Variants in USP53 observed in about 807,000 individuals in gnomAD.
USP53 encodes ubiquitin carboxyl-terminal hydrolase 53.
USP53 carries 71 observed loss-of-function variants against 94.9 expected under a neutral mutation model. The observed-to-expected ratio is 0.75, with a 90% CI of 0.62 to 0.91. The LOEUF is 0.91. USP53 is among the 40% of genes least tolerant of loss of function. The probability of loss-of-function intolerance (pLI) is 0.00; values close to 1 mark genes in which losing one functional copy is unlikely to be tolerated. For synonymous variants in USP53, 375 were observed against 422.7 expected (o/e 0.89, Z 1.39); for missense variants, 1,173 against 1,281.0 (o/e 0.92, Z 1.29).
intron 7 of USP53, among the ~76,000 whole-genome samples, chr4:119,252,939 G>T (rs750103716): frequency 2.0e-5 from 3 of 151,970 alleles, no homozygotes; most frequent in Non-Finnish European, 2.9e-5. Flanking sequence ...TTGTGTCTTT[G>T]TTCTCATTGG....
At position 119,291,367 on chromosome 4, in the gene USP53, A is replaced by T. The variant is rs1449897354; in HGVS notation, c.2348+106A>T. 2.5e-5 allele frequency: 14 copies of T among 564,112 alleles called. 1 individual carries two copies. Among genetic ancestry groups the T allele is most frequent in the Non-Finnish European group, 4.2e-5 (14 of 336,424 alleles). 34.9% of individuals were successfully genotyped at this position (564,112 alleles called of 1,614,324 possible). A position where few individuals can be genotyped will look rare whatever the true frequency, so the allele number is the denominator to read the frequency against. On this transcript the variant is annotated intron_variant, in intron 18 of 18. Coordinates refer to ENST00000692078, the MANE Select transcript of USP53 (RefSeq NM_001371395.1). ...TGAAAGCAATGGGTCTATAGTATTG[A>T]GATGCCTTTCTTATTGGGAATCATT...
intron 3 of USP53, chr4:119,218,760 A>G (rs935378487): frequency 4.6e-5 from 7 of 152,104 alleles, no homozygotes; most frequent in Non-Finnish European, 1.5e-5. Flanking sequence ...TTCTGACACT[A>G]TCTACTTGAA....
At chr4:119,263,804 G>A (rs903006680) in intron 12 of USP53, among the ~76,000 whole-genome samples, 9 of 152,272 alleles carry the variant, frequency 5.9e-5, no homozygotes, top group Non-Finnish European at 1.3e-4. Context: ...GGTCACGGGG[G>A]CTCATGCCTA....
chr4:119,269,323 C>T (rs1357494331), intron 14 of USP53, among the ~76,000 whole-genome samples: 3 of 152,314 alleles, frequency 2.0e-5, no homozygotes, highest in East Asian at 1.9e-4. Flanking sequence ...TCTAATTTCT[C>T]TCTGCCTCAG....
chr4:119,248,177 C>T (rs953390389), intron 6 of USP53, among the ~76,000 whole-genome samples: 1 of 151,666 alleles, frequency 6.6e-6, no homozygotes. Context: ...ACTATAATCT[C>T]ATATTTCCAG....
At chr4:119,281,825 C>T (rs1753542780) in intron 17 of USP53, among the ~76,000 whole-genome samples, 1 of 152,024 alleles carries the variant, frequency 6.6e-6, no homozygotes, top group Admixed American at 6.6e-5. Flanking sequence ...ATATGTATAG[C>T]CAAATTTGCC....
At chr4:119,287,651 G>T (rs1208743465) in intron 17 of USP53, among the ~76,000 whole-genome samples, 1 of 152,126 alleles carries the variant, frequency 6.6e-6, no homozygotes, top group Non-Finnish European at 1.5e-5. Flanking sequence ...AAAAATACGG[G>T]AGAATGCAGA....
intron 3 of USP53, among the ~76,000 whole-genome samples, chr4:119,232,872 G>A (rs1746251418): frequency 6.6e-6 from 1 of 152,124 alleles, no homozygotes. Context: ...TTGGCCTGCA[G>A]TGATCTAACA....
chr4:119,268,608 A>G (rs1010202374), intron 14 of USP53, among the ~76,000 whole-genome samples, 188 bp downstream of exon 14: 5 of 152,296 alleles, frequency 3.3e-5, no homozygotes, highest in Middle Eastern at 3.4e-3. Flanking sequence ...TGATTCCATG[A>G]GTTGTTTGAG....
intron 2 of USP53, among the ~76,000 whole-genome samples, chr4:119,214,574 G>A (rs555484640): frequency 1.3e-5 from 2 of 150,854 alleles, no homozygotes; most frequent in South Asian, 2.1e-4. Flanking sequence ...ATATTTTAAT[G>A]GGAAGGTAGA....
intron 3 of USP53, among the ~76,000 whole-genome samples, chr4:119,224,621 G>A (rs924260646): frequency 2.6e-5 from 4 of 152,206 alleles, no homozygotes; most frequent in Non-Finnish European, 5.9e-5. Context: ...AATGCTAGAA[G>A]GGAAATAATT....
chr4:119,235,787 G>A (rs1746658740), intron 4 of USP53, among the ~76,000 whole-genome samples: 1 of 152,096 alleles, frequency 6.6e-6, no homozygotes, highest in African/African-American at 2.4e-5. Context: ...CTCTTAGGTG[G>A]CTTCTTCATC....
At chr4:119,215,494 C>T (rs1339122244) in intron 2 of USP53, among the ~76,000 whole-genome samples, 1 of 152,168 alleles carries the variant, frequency 6.6e-6, no homozygotes, top group South Asian at 2.1e-4. Flanking sequence ...ATATTCTGTG[C>T]TCTTCCAGGT....
In USP53 at chr4:119,292,872, C is replaced by T. The variant is rs767822509; in HGVS notation, c.2883C>T (p.His961=). Residue 961 remains histidine, a synonymous_variant, in exon 19 of 19, where the codon CAC becomes CAT. Transcript: ENST00000692078. Reference sequence around the variant, plus strand: ...AAGCTACCTCTCATCTTCCGAAGCACAGTTTAAGTACAGCTTCAGAACCAA... The same window carrying T: ...AAGCTACCTCTCATCTTCCGAAGCATAGTTTAAGTACAGCTTCAGAACCAA... ...VFKATSHLPK[H]SLSTASEPSL... is the part of the protein sequence containing the mutation. 2.2e-5 allele frequency: 36 copies of T among 1,613,960 alleles called. No individual in the cohort carries two copies. In the South Asian group the frequency reaches 3.7e-4, roughly 17 times the overall value.
Position 119,215,452 on chromosome 4 carries a change from C to T in USP53, c.-789+1230C>T, listed in dbSNP as rs143451679. 2.2e-4 allele frequency among the ~76,000 whole-genome samples: 33 copies of T among 151,964 alleles called. No homozygotes were observed. In the East Asian group the frequency reaches 5.6e-3, roughly 26 times the overall value. Reference sequence around the variant, plus strand: ...TTAATAATAAGAATACCATAGATACCATGTACAGTATATAGAATATTTAGG... The same window carrying T: ...TTAATAATAAGAATACCATAGATACTATGTACAGTATATAGAATATTTAGG... On this transcript the variant is annotated intron_variant, in intron 2 of 18. Transcript: ENST00000692078.
chr4:119,263,366 T>C (rs1013009618), intron 12 of USP53, among the ~76,000 whole-genome samples: 1 of 152,158 alleles, frequency 6.6e-6, no homozygotes, highest in African/African-American at 2.4e-5. Context: ...AAACAAAGCC[T>C]AGTAGTGTCA....
chr4:119,222,765 T>C (rs943518265), intron 3 of USP53, among the ~76,000 whole-genome samples: 4 of 152,156 alleles, frequency 2.6e-5, no homozygotes, highest in African/African-American at 9.7e-5. Context: ...ACAATAAACA[T>C]GGGAGTATAG....
At chr4:119,238,348 G>A (rs767635848) in intron 4 of USP53, among the ~76,000 whole-genome samples, 9 of 152,158 alleles carry the variant, frequency 5.9e-5, no homozygotes, top group Non-Finnish European at 1.3e-4. Context: ...TCAGGGAGTA[G>A]GGAGGCCTGA....
intron 2 of USP53, among the ~76,000 whole-genome samples, chr4:119,215,494 C>G (rs1339122244): frequency 6.6e-6 from 1 of 152,168 alleles, no homozygotes; most frequent in Non-Finnish European, 1.5e-5. Context: ...ATATTCTGTG[C>G]TCTTCCAGGT....
Sources: gnomAD v4.1 joint callset for allele counts (sites outside exome capture counted in the v4.1 genomes callset) on GRCh38, gnomAD v4.1.1 for gene constraint, MANE v1.5 for transcripts, NCBI Gene and HGNC (gene_info 2026-07-23, HGNC 2026-07-21) for gene names.